The following XRN2 variants were observed in gnomAD, a reference collection of about 807,000 sequenced individuals.
The protein encoded by XRN2 is 5'-3' exoribonuclease 2.
XRN2 carries 44 observed loss-of-function variants against 138.5 expected under a neutral mutation model. The ratio of observed to expected loss-of-function variants is 0.32; its 90% CI spans 0.25 to 0.41. The LOEUF is 0.41. Ranked by LOEUF, XRN2 falls within the 10% of genes least tolerant of loss-of-function variation. The pLI, the probability that XRN2 is intolerant of heterozygous loss-of-function variation, is 1.00. For synonymous variants in XRN2, 354 were observed against 369.4 expected (o/e 0.96, Z 0.48); for missense variants, 937 against 1,169.3 (o/e 0.80, Z 2.90).
At chr20:21,363,303 T>C (rs1432990491) in intron 24 of XRN2, among the ~76,000 whole-genome samples, 3 of 152,204 alleles carry the variant, frequency 2.0e-5, no homozygotes, top group South Asian at 2.1e-4. Context: ...GAACCGTGCA[T>C]GCGATAGGTA....
chr20:21,361,983 T>C (rs2038641769), intron 24 of XRN2, among the ~76,000 whole-genome samples: 1 of 152,216 alleles, frequency 6.6e-6, no homozygotes, highest in Non-Finnish European at 1.5e-5. Flanking sequence ...AAAAATGATA[T>C]TAATACTTTG....
chr20:21,346,649 T>C, intron 17 of XRN2, 99 bp downstream of exon 17: 2 of 1,462,586 alleles, frequency 1.4e-6, no homozygotes, highest in Non-Finnish European at 1.9e-6. Flanking sequence ...AGACGGAGTC[T>C]TGCCCTGTCA....
intron 1 of XRN2, among the ~76,000 whole-genome samples, chr20:21,315,620 G>A (rs2037948318): frequency 6.6e-6 from 1 of 152,090 alleles, no homozygotes; most frequent in Non-Finnish European, 1.5e-5. Context: ...AGCCTCCTGA[G>A]TAGCTGGGAC....
In XRN2 at chr20:21,307,247, A is replaced by G. The variant is rs1170570674; in HGVS notation, c.75+3774A>G. Among the ~76,000 whole-genome samples, 4 of 75,982 alleles carry G rather than the reference A, an allele frequency of 5.3e-5. 1 individual carries two copies. The highest frequency in any genetic ancestry group is 1.4e-4 in the African/African-American group (4 of 27,724). 49.8% of individuals were successfully genotyped at this position (75,982 alleles called of 152,430 possible). A position where few individuals can be genotyped will look rare whatever the true frequency, so the allele number is the denominator to read the frequency against. Reference sequence around the variant, plus strand: ...CTTTCATTATTAGGTACCCAGGTATAGATGTTATTTTAAATTCAGATTCAT... The same window carrying G: ...CTTTCATTATTAGGTACCCAGGTATGGATGTTATTTTAAATTCAGATTCAT... On this transcript the variant is annotated intron_variant, in intron 1 of 29. Transcript: ENST00000377191.
chr20:21,310,783 C>T (rs1461327991), intron 1 of XRN2, among the ~76,000 whole-genome samples: 6 of 150,726 alleles, frequency 4.0e-5, no homozygotes, highest in East Asian at 2.0e-4. Context: ...CTTGCTGTGT[C>T]GCCCAGGCTG....
At chr20:21,372,392 A>G (rs1449734649) in intron 27 of XRN2, among the ~76,000 whole-genome samples, 1 of 152,234 alleles carries the variant, frequency 6.6e-6, no homozygotes, top group East Asian at 1.9e-4. Context: ...TAAGCATAGC[A>G]TAACTGGTAC....
At chr20:21,315,879 G>T (rs1179215493) in intron 1 of XRN2, among the ~76,000 whole-genome samples, 1 of 152,228 alleles carries the variant, frequency 6.6e-6, no homozygotes, top group Non-Finnish European at 1.5e-5. Flanking sequence ...TCCCTTATAA[G>T]ATAAATGATT....
chr20:21,330,756 C>A, intron 6 of XRN2, 51 bp downstream of exon 6: 1 of 1,511,954 alleles, frequency 6.6e-7, no homozygotes, highest in Non-Finnish European at 9.2e-7. Context: ...TCATTCGAGG[C>A]TGTACTTTGA....
intron 1 of XRN2, chr20:21,303,980 G>A (rs6047366): frequency 2.0e-6 from 1 of 490,908 alleles, no homozygotes; most frequent in Non-Finnish European, 2.6e-6. Flanking sequence ...CTAGTGTTCA[G>A]GACCATTTGT....
In XRN2 at chr20:21,365,402, G is replaced by A; in HGVS notation, c.2256-19G>A. ...GCTGATATAATCAGATCATTGAATT[G>A]TTTCTTGTTCTTTTCCAGTATTAAT... On this transcript the variant is annotated intron_variant, in intron 24 of 29. Transcript: ENST00000377191. The A allele has an allele frequency of 1.2e-6, 2 of 1,609,146 alleles. No homozygotes were observed. The highest frequency in any genetic ancestry group is 4.5e-5 in the East Asian group (2 of 44,800).
intron 1 of XRN2, among the ~76,000 whole-genome samples, chr20:21,321,957 A>C (rs776631354): frequency 1.3e-5 from 2 of 152,202 alleles, no homozygotes; most frequent in East Asian, 1.9e-4. Flanking sequence ...CATCACTTTG[A>C]ATCTAGTGAA....
At chr20:21,326,458 T>C in intron 2 of XRN2, 32 bp from the exon 3 acceptor site, 1 of 1,613,802 alleles carries the variant, frequency 6.2e-7, no homozygotes, top group Non-Finnish European at 8.5e-7. Context: ...GGAAACATTA[T>C]ATTATATTAC....
chr20:21,353,292 A>G (rs942443322), intron 20 of XRN2, among the ~76,000 whole-genome samples: 1 of 145,810 alleles, frequency 6.9e-6, no homozygotes, highest in African/African-American at 2.5e-5. Flanking sequence ...GTAGAAAACA[A>G]GCTAGATGAT....
intron 1 of XRN2, among the ~76,000 whole-genome samples, chr20:21,321,300 G>GCT (rs1225967046): frequency 4.1e-4 from 40 of 98,082 alleles, no homozygotes; most frequent in Admixed American, 1.3e-3. Flanking sequence ...ACTGTGCCTG[G>GCT]CTGTGTGTGT....
chr20:21,319,940 A>G (rs949639649), intron 1 of XRN2, among the ~76,000 whole-genome samples: 1 of 152,184 alleles, frequency 6.6e-6, no homozygotes, highest in African/African-American at 2.4e-5. Flanking sequence ...TTTTAATTCA[A>G]TTAAGAGAAG....
At chr20:21,365,221 C>T (rs2038680293) in intron 24 of XRN2, among the ~76,000 whole-genome samples, 200 bp from the exon 25 acceptor site, 1 of 152,096 alleles carries the variant, frequency 6.6e-6, no homozygotes, top group African/African-American at 2.4e-5. Context: ...ATAACTTTTC[C>T]CTCAGAGAAA....
chr20:21,373,539 A>G (rs555779722), intron 27 of XRN2, among the ~76,000 whole-genome samples: 1 of 152,338 alleles, frequency 6.6e-6, no homozygotes, highest in East Asian at 1.9e-4. Context: ...AGTGAATGAA[A>G]GTGCCAGACA....
intron 1 of XRN2, among the ~76,000 whole-genome samples, chr20:21,308,648 C>T (rs1349808755): frequency 6.6e-6 from 1 of 152,108 alleles, no homozygotes; most frequent in Non-Finnish European, 1.5e-5. Context: ...GGCATCTGTT[C>T]AGATCTTTTG....
At chr20:21,351,957 C>G (rs796600567) in intron 20 of XRN2, among the ~76,000 whole-genome samples, 1 of 152,282 alleles carries the variant, frequency 6.6e-6, no homozygotes, top group South Asian at 2.1e-4. Context: ...GTTGTAATTA[C>G]TGTCGCTTTG....
Sources: gnomAD v4.1 joint callset for allele counts (sites outside exome capture counted in the v4.1 genomes callset) on GRCh38, gnomAD v4.1.1 for gene constraint, MANE v1.5 for transcripts, NCBI Gene and HGNC (gene_info 2026-07-23, HGNC 2026-07-21) for gene names.